ZNF528: variants seen among roughly 807,000 people sequenced by gnomAD.
ZNF528 encodes the protein zinc finger protein 528.
ZNF528 carries 9 observed loss-of-function variants against 13.3 expected under a neutral mutation model. That is an observed-to-expected ratio of 0.67 (90% CI 0.41 to 1.18). ZNF528 has a LOEUF of 1.18. ZNF528 is among the 50% of genes most tolerant of loss of function. The pLI, the probability that ZNF528 is intolerant of heterozygous loss-of-function variation, is 0.01. For synonymous variants in ZNF528, 264 were observed against 254.3 expected (o/e 1.04, Z -0.36); for missense variants, 858 against 745.4 (o/e 1.15, Z -1.76).
rs975068320 is a variant in ZNF528, at chr19:52,403,556, C to T, written c.15+1528C>T. On this transcript the variant is annotated intron_variant, in intron 4 of 6. Transcript: ENST00000360465. ...ACATCTGTAGACCCAGCTACTTGGG[C>T]GGCTGAGGTAGGAGAATCGCTTCAG... is the stretch of plus-strand genomic sequence containing the variant. Among the ~76,000 whole-genome samples, 9 of 146,166 alleles carry T rather than the reference C, an allele frequency of 6.2e-5. No individual in the cohort carries two copies. The South Asian group carries it at 1.6e-3, about 25-fold the overall frequency.
At chr19:52,402,353 G>A (rs1351636268) in intron 4 of ZNF528, 3 of 429,418 alleles carry the variant, frequency 7.0e-6, no homozygotes, top group Non-Finnish European at 1.3e-5. Context: ...CACTGTCAGT[G>A]TTCTGTGGAC....
chr19:52,414,819 G>A (rs1165364910), intron 6 of ZNF528: 1 of 680,996 alleles, frequency 1.5e-6, no homozygotes, highest in African/African-American at 1.8e-5. Flanking sequence ...GCTCTTCTTG[G>A]ATTTCTGATT....
In ZNF528 at chr19:52,416,461, A is replaced by G. The variant is rs1446724432; in HGVS notation, c.1609A>G (p.Thr537Ala). The change falls in exon 7 of 7, where the codon ACA becomes GCA. Residue 537 changes from threonine to alanine, a missense_variant. By Grantham distance (58) the Thr-to-Ala change is moderately conservative. Transcript: ENST00000360465. ...GKVFNQASYL[T>A]RHQIIHTGER... ...GGTCTTTAATCAAGCATCATACCTTACAAGACATCAAATAATTCATACTGG... is the reference window on the plus strand; with the variant it reads ...GGTCTTTAATCAAGCATCATACCTTGCAAGACATCAAATAATTCATACTGG... The G allele has an allele frequency of 1.2e-6, 2 of 1,614,194 alleles. No individual in the cohort carries two copies. The highest frequency in any genetic ancestry group is 2.2e-5 in the South Asian group (2 of 91,080).
chr19:52,406,463 C>A (rs1395284328), intron 5 of ZNF528, 52 bp from the exon 6 acceptor site: 8 of 1,587,526 alleles, frequency 5.0e-6, no homozygotes, highest in Non-Finnish European at 6.8e-6. Flanking sequence ...AAATACAGGG[C>A]TTGGACTTGG....
rs368979233 is a variant in ZNF528 at position 52,406,632 on chromosome 19, G to A, written c.260G>A (p.Gly87Asp). 3.6e-5 allele frequency: 58 copies of A among 1,612,950 alleles called. No individual in the cohort carries two copies. The African/African-American group carries it at 7.3e-4, about 20-fold the overall frequency. ...CCAGACGGCAGGGAGTGCATCAAAG[G>A]TGTGAACACAGGTGAGAGCTCGGGT... ...NDPDGRECIK[G>D]VNTERSSKLG... The change falls in exon 6 of 7, where the codon GGT becomes GAT. Residue 87 changes from glycine (G) to aspartate (D), a missense_variant. Gly to Asp is a moderately conservative substitution (Grantham distance 94). Transcript: ENST00000360465.
rs749883060 is a variant in ZNF528 at position 52,416,773 on chromosome 19, C to T, written c.*34C>T. ...ACAAACTGTATGGCAAAACCATCAT[C>T]ATGAGTTCTAGCATTAATCAACATC... is the stretch of plus-strand genomic sequence containing the variant. On this transcript the variant is annotated 3_prime_UTR_variant, in exon 7 of 7. Coordinates refer to ENST00000360465, the MANE Select transcript of ZNF528 (RefSeq NM_032423.3). 7.1e-6 allele frequency: 11 copies of T among 1,551,380 alleles called. No homozygotes were observed. The South Asian group carries it at 1.2e-4, about 17-fold the overall frequency.
At chr19:52,401,450 T>C (rs978230946) in intron 2 of ZNF528, among the ~76,000 whole-genome samples, 1 of 152,194 alleles carries the variant, frequency 6.6e-6, no homozygotes, top group Non-Finnish European at 1.5e-5. Flanking sequence ...TTTCTTTTGA[T>C]GTGTAGGAGA....
At chr19:52,406,131 G>T in intron 5 of ZNF528, 98 bp downstream of exon 5, 1 of 1,408,840 alleles carries the variant, frequency 7.1e-7, no homozygotes, top group East Asian at 2.4e-5. Flanking sequence ...GCTTGCCTGA[G>T]ATTGAAACCA....
chr19:52,414,409 G>A (rs912669042), intron 6 of ZNF528: 35 of 675,490 alleles, frequency 5.2e-5, no homozygotes, highest in Admixed American at 8.7e-5. Flanking sequence ...TCCTTCTAGT[G>A]AACAAGGGCC....
chr19:52,408,993 T>G (rs912575406), intron 6 of ZNF528, among the ~76,000 whole-genome samples: 1 of 152,198 alleles, frequency 6.6e-6, no homozygotes, highest in Admixed American at 6.6e-5. Flanking sequence ...TCCTCAGCTC[T>G]TCTTTAGGAA....
At chr19:52,413,284 A>T (rs2122582404) in intron 6 of ZNF528, 1 of 152,326 alleles carries the variant, frequency 6.6e-6, no homozygotes, top group South Asian at 2.1e-4. Context: ...GACAAGCAGC[A>T]CGATTCTGTC....
At chr19:52,412,573 G>A (rs1233491759) in intron 6 of ZNF528, 2 of 152,156 alleles carry the variant, frequency 1.3e-5, no homozygotes, top group Non-Finnish European at 2.9e-5. Flanking sequence ...GATTGTTTGA[G>A]GGGCCCGGGT....
chr19:52,407,555 C>G (rs1278665204), intron 6 of ZNF528, among the ~76,000 whole-genome samples: 1 of 151,874 alleles, frequency 6.6e-6, no homozygotes, highest in Admixed American at 6.6e-5. Flanking sequence ...GCAGGCAGAT[C>G]ACTTGAGGCC....
In ZNF528 at chr19:52,415,971, A is replaced by T. The variant is rs2122603614; in HGVS notation, c.1119A>T (p.Leu373Phe). 6.2e-7 allele frequency: 1 copy of T among 1,614,150 alleles called. No individual in the cohort carries two copies. Among genetic ancestry groups the T allele is most frequent in the East Asian group, 2.2e-5 (1 of 44,884 alleles). The change falls in exon 7 of 7, where the codon TTA becomes TTT. Residue 373 changes from leucine to phenylalanine, a missense_variant. Coordinates refer to ENST00000360465, the MANE Select transcript of ZNF528 (RefSeq NM_032423.3). ...GTTCCAGCCTCATAACCCATCAGTT[A>T]ATTCACACTGGAAGGAAACCTTACA... is the stretch of plus-strand genomic sequence containing the variant. Reference protein sequence around the residue: ...SVRSSLITHQLIHTGRKPYKC... With the variant: ...SVRSSLITHQFIHTGRKPYKC...
In ZNF528 at chr19:52,416,618, A is replaced by AT. The variant is rs772205514; in HGVS notation, c.1766_1767insT (p.Lys589AsnfsTer9). The AT allele has an allele frequency of 1.2e-6, 2 of 1,614,188 alleles. No homozygotes were observed. Among genetic ancestry groups the AT allele is most frequent in the Non-Finnish European group, 1.7e-6 (2 of 1,180,028 alleles). ...GAATGTGGCAAGATCTTCACTCAGA[A>AT]GTCTTCCCTCACCAATCACCATAGA... On this transcript the variant is annotated frameshift_variant, in exon 7 of 7. Transcript: ENST00000360465. LOFTEE classifies it low-confidence loss of function (END_TRUNC).
Position 52,414,928 on chromosome 19 carries a change from G to A in ZNF528, c.272-196G>A, listed in dbSNP as rs147853417. On this transcript the variant is annotated intron_variant, in intron 6 of 6. Transcript: ENST00000360465. ...TTTCAGATTTACCCATAATTCTCTC[G>A]ACTCCTGCAGATTCCCCACTGCTCC... The A allele has an allele frequency of 4.7e-4, 714 of 1,503,658 alleles. 1 individual carries two copies. Among genetic ancestry groups the A allele is most frequent in the Middle Eastern group, 1.0e-3 (6 of 5,800 alleles). The allele number at this position is 1,503,658 out of a possible 1,614,324, so 93.1% of individuals were successfully genotyped here. A position where few individuals can be genotyped will look rare whatever the true frequency, so the allele number is the denominator to read the frequency against.
intron 6 of ZNF528, 65 bp downstream of exon 6, chr19:52,406,708 C>T: frequency 4.5e-6 from 7 of 1,548,204 alleles, no homozygotes; most frequent in Non-Finnish European, 6.1e-6. Context: ...GGGTCTAACG[C>T]TGTCATCCAG....
In ZNF528 at chr19:52,415,986, G is replaced by A; in HGVS notation, c.1134G>A (p.Arg378=). The A allele has an allele frequency of 1.9e-6, 3 of 1,614,136 alleles. No individual in the cohort carries two copies. The highest frequency in any genetic ancestry group is 2.5e-6 in the Non-Finnish European group (3 of 1,180,042). The part of the protein sequence containing the change: ...LITHQLIHTG[R]KPYKCKECDK... ...CCCATCAGTTAATTCACACTGGAAG[G>A]AAACCTTACAAATGTAAAGAATGTG... Residue 378 remains arginine, a synonymous_variant, in exon 7 of 7, where the codon AGG becomes AGA. Transcript: ENST00000360465.
intron 4 of ZNF528, among the ~76,000 whole-genome samples, chr19:52,403,434 G>A (rs1033904582): frequency 2.0e-5 from 3 of 152,058 alleles, no homozygotes; most frequent in Non-Finnish European, 2.9e-5. Flanking sequence ...GGGCCAAGGC[G>A]GGCAGATGAG....
Sources: gnomAD v4.1 joint callset for allele counts (sites outside exome capture counted in the v4.1 genomes callset) on GRCh38, gnomAD v4.1.1 for gene constraint, MANE v1.5 for transcripts, NCBI Gene and HGNC (gene_info 2026-07-23, HGNC 2026-07-21) for gene names.